FSTL5: variants seen among roughly 807,000 people sequenced by gnomAD.
FSTL5 encodes follistatin like 5.
Under a neutral mutation model 89.1 loss-of-function variants are expected in FSTL5, and 62 were observed. The observed-to-expected ratio is 0.70, with a 90% CI of 0.57 to 0.86. FSTL5 has a LOEUF of 0.86. Among genes scored for constraint, FSTL5 ranks in the 40% least tolerant of loss-of-function variants. The pLI is 0.00. For synonymous variants in FSTL5, 383 were observed against 346.2 expected (o/e 1.11, Z -1.18); for missense variants, 1,057 against 1,001.6 (o/e 1.06, Z -0.75).
At chr4:161,472,998 T>C (rs536039631) in intron 13 of FSTL5, among the ~76,000 whole-genome samples, 48 of 152,224 alleles carry the variant, frequency 3.2e-4, no homozygotes, top group Non-Finnish European at 5.6e-4. Context: ...GCTGGGATTA[T>C]AGCTATGAGC....
chr4:161,951,307 C>G (rs1424712166), intron 3 of FSTL5, among the ~76,000 whole-genome samples: 1 of 152,036 alleles, frequency 6.6e-6, no homozygotes, highest in East Asian at 1.9e-4. Context: ...ACTACTACTG[C>G]TTCTATTTTA....
intron 5 of FSTL5, among the ~76,000 whole-genome samples, chr4:161,762,228 C>A (rs573380864): frequency 6.6e-6 from 1 of 152,002 alleles, no homozygotes; most frequent in Non-Finnish European, 1.5e-5. Flanking sequence ...AGTGCAGTGG[C>A]GCATCTCGGC....
chr4:162,104,402 G>A (rs1271832997), intron 2 of FSTL5, among the ~76,000 whole-genome samples: 2 of 152,192 alleles, frequency 1.3e-5, no homozygotes, highest in Non-Finnish European at 2.9e-5. Flanking sequence ...CATCTTGGAA[G>A]CCTCCGGCTA....
intron 3 of FSTL5, among the ~76,000 whole-genome samples, chr4:162,012,647 T>C (rs1736801945): frequency 6.6e-6 from 1 of 152,180 alleles, no homozygotes; most frequent in Non-Finnish European, 1.5e-5. Flanking sequence ...CCTTTGCCAA[T>C]ACTTGAAATT....
At chr4:161,430,644 G>A (rs183608054) in intron 15 of FSTL5, among the ~76,000 whole-genome samples, 1 of 152,314 alleles carries the variant, frequency 6.6e-6, no homozygotes, top group African/African-American at 2.4e-5. Flanking sequence ...GGAAGCTGAG[G>A]CAGGAGAATG....
At chr4:161,585,179 G>A (rs140185092) in intron 8 of FSTL5, among the ~76,000 whole-genome samples, 3 of 152,116 alleles carry the variant, frequency 2.0e-5, no homozygotes, top group Non-Finnish European at 2.9e-5. Flanking sequence ...ACATAAAGCC[G>A]GCAGTTTGGC....
At chr4:162,096,199 A>C in intron 2 of FSTL5, among the ~76,000 whole-genome samples, 1 of 151,872 alleles carries the variant, frequency 6.6e-6, no homozygotes, top group East Asian at 1.9e-4. Context: ...TTTTAAATAT[A>C]TATTTCTTTG....
intron 3 of FSTL5, among the ~76,000 whole-genome samples, chr4:161,978,775 T>C (rs1735735539): frequency 6.6e-6 from 1 of 152,124 alleles, no homozygotes; most frequent in South Asian, 2.1e-4. Flanking sequence ...TTCTACAGTC[T>C]AGATTTGCCT....
intron 4 of FSTL5, among the ~76,000 whole-genome samples, chr4:161,892,418 T>A (rs1241492002): frequency 2.6e-5 from 4 of 152,006 alleles, no homozygotes; most frequent in Non-Finnish European, 5.9e-5. Context: ...AGAGAAAAAG[T>A]TAGTTAATTT....
At chr4:161,987,421 C>T (rs1291321312) in intron 3 of FSTL5, among the ~76,000 whole-genome samples, 1 of 149,288 alleles carries the variant, frequency 6.7e-6, no homozygotes, top group Admixed American at 6.7e-5. Flanking sequence ...ACTACAACTA[C>T]AAGCATGGGC....
chr4:161,415,928 C>T (rs553470741), intron 15 of FSTL5, among the ~76,000 whole-genome samples: 59 of 151,382 alleles, frequency 3.9e-4, no homozygotes, highest in African/African-American at 1.1e-3. Context: ...TGATAGCCTG[C>T]GCAGATCATT....
At chr4:161,498,081 T>TATATAC (rs113569112) in intron 12 of FSTL5, among the ~76,000 whole-genome samples, 1 of 151,732 alleles carries the variant, frequency 6.6e-6, no homozygotes, top group Non-Finnish European at 1.5e-5. Context: ...TATGTATGTA[T>TATATAC]ATATACATAT....
chr4:161,974,807 G>A (rs1454575640), intron 3 of FSTL5, among the ~76,000 whole-genome samples: 1 of 148,558 alleles, frequency 6.7e-6, no homozygotes, highest in Non-Finnish European at 1.5e-5. Context: ...CCATCAGAGT[G>A]AACAGGCAAC....
At chr4:161,799,737 A>C (rs932536149) in intron 4 of FSTL5, among the ~76,000 whole-genome samples, 1 of 151,634 alleles carries the variant, frequency 6.6e-6, no homozygotes, top group African/African-American at 2.4e-5. Context: ...TTCTTTCACA[A>C]AGGGGTAAAA....
chr4:162,108,808 T>C (rs1482548596), intron 2 of FSTL5, among the ~76,000 whole-genome samples: 1 of 151,800 alleles, frequency 6.6e-6, no homozygotes, highest in Admixed American at 6.6e-5. Flanking sequence ...GTATATATGA[T>C]ACATATGTTA....
At chr4:161,946,426 T>G (rs1427223678) in intron 3 of FSTL5, among the ~76,000 whole-genome samples, 1 of 152,212 alleles carries the variant, frequency 6.6e-6, no homozygotes, top group Non-Finnish European at 1.5e-5. Flanking sequence ...CTGAAAGTCA[T>G]AAATTATTCT....
chr4:161,740,953 C>G (rs563598615), intron 6 of FSTL5, among the ~76,000 whole-genome samples: 3 of 152,150 alleles, frequency 2.0e-5, no homozygotes, highest in South Asian at 4.1e-4. Flanking sequence ...TCAATGTCTT[C>G]TCACATGACA....
Position 161,720,335 on chromosome 4 carries a change from C to T in FSTL5, c.727+39076G>A, listed in dbSNP as rs1461312338. Among the ~76,000 whole-genome samples, 7 of 151,604 alleles carry T rather than the reference C, an allele frequency of 4.6e-5. No individual in the cohort carries two copies. The East Asian group carries it at 7.7e-4, about 17-fold the overall frequency. ...ATGAGATATCACCTTATACCTGTTA[C>T]GATAGCATTATTTTTTTTAAAAGAT... On this transcript the variant is annotated intron_variant, in intron 6 of 15. Transcript: ENST00000306100.
chr4:161,827,016 G>A (rs1730689337), intron 4 of FSTL5, among the ~76,000 whole-genome samples: 1 of 151,946 alleles, frequency 6.6e-6, no homozygotes, highest in South Asian at 2.1e-4. Flanking sequence ...GTTCATTTTG[G>A]TGTATTTCAA....
Sources: gnomAD v4.1 joint callset for allele counts (sites outside exome capture counted in the v4.1 genomes callset) on GRCh38, gnomAD v4.1.1 for gene constraint, MANE v1.5 for transcripts, NCBI Gene and HGNC (gene_info 2026-07-23, HGNC 2026-07-21) for gene names.